Variants in ASIC2 observed in about 807,000 individuals in gnomAD.
ASIC2 encodes the protein acid-sensing ion channel 2.
In ASIC2, 25 loss-of-function variants were observed where a neutral mutation model predicts 57.3. The ratio of observed to expected loss-of-function variants is 0.44; its 90% CI spans 0.32 to 0.61. The LOEUF (loss-of-function observed/expected upper bound fraction) is 0.61, where lower values mean the gene tolerates loss of function less well. Among genes scored for constraint, ASIC2 ranks in the 20% least tolerant of loss-of-function variants. ASIC2 has a pLI of 0.06. For synonymous variants in ASIC2, 319 were observed against 307.5 expected (o/e 1.04, Z -0.39); for missense variants, 641 against 738.1 (o/e 0.87, Z 1.52).
At chr17:33,449,620 C>A (rs1403845665) in intron 1 of ASIC2, among the ~76,000 whole-genome samples, 6 of 152,058 alleles carry the variant, frequency 3.9e-5, no homozygotes, top group African/African-American at 1.4e-4. Flanking sequence ...AACTGAAAAC[C>A]ACCCTTTAGT....
In ASIC2 at chr17:33,025,930, G is replaced by T. The variant is rs754555423; in HGVS notation, c.1191C>A (p.Ala397=). 1 of 1,612,648 alleles carries T rather than the reference G, an allele frequency of 6.2e-7. No homozygotes were observed. Among genetic ancestry groups the T allele is most frequent in the Non-Finnish European group, 8.5e-7 (1 of 1,179,436 alleles). ...PEQHKECAEP[A]LGLLAEKDSN... ...ATCTGTCCCCTGAGTACTGACCTAG[G>T]GCAGGCTCTGCACACTCCTTGTGCT... Residue 397 remains alanine, a synonymous_variant, in exon 5 of 10, where the codon GCC becomes GCA. Transcript: ENST00000225823.
In ASIC2 at chr17:33,531,341, A is replaced by T. The variant is rs185633187; in HGVS notation, c.556-419274T>A. 3.6e-3 allele frequency among the ~76,000 whole-genome samples: 550 copies of T among 152,210 alleles called. 5 individuals carry two copies. Among genetic ancestry groups the T allele is most frequent in the African/African-American group, 0.012 (498 of 41,520 alleles). On this transcript the variant is annotated intron_variant, in intron 1 of 9. Transcript: ENST00000359872. ...GTGGGTGGGGGTTACACCAAATCTG[A>T]GCTGCCTTTATCTGTACCGACCTGA...
chr17:33,426,857 G>GA (rs1567857572), intron 1 of ASIC2, among the ~76,000 whole-genome samples: 1 of 152,130 alleles, frequency 6.6e-6, no homozygotes, highest in Non-Finnish European at 1.5e-5. Flanking sequence ...GATATGATGG[G>GA]AAAAAACAAG....
At chr17:33,583,783 A>G (rs913208120) in intron 1 of ASIC2, among the ~76,000 whole-genome samples, 1 of 152,216 alleles carries the variant, frequency 6.6e-6, no homozygotes, top group Non-Finnish European at 1.5e-5. Flanking sequence ...GTGAAGCCCC[A>G]GGTAAATGAT....
chr17:33,231,874 G>C (rs772612956), intron 1 of ASIC2, among the ~76,000 whole-genome samples: 1 of 152,100 alleles, frequency 6.6e-6, no homozygotes, highest in Non-Finnish European at 1.5e-5. Context: ...CAATGGGGAG[G>C]GGGTGAGCAG....
chr17:33,353,362 G>A (rs945026666), intron 1 of ASIC2, among the ~76,000 whole-genome samples: 3 of 151,942 alleles, frequency 2.0e-5, no homozygotes, highest in African/African-American at 7.3e-5. Flanking sequence ...TTTGAGACAG[G>A]GTCTTGCTCT....
At chr17:33,095,325 C>T (rs867639263) in intron 2 of ASIC2, among the ~76,000 whole-genome samples, 3 of 152,216 alleles carry the variant, frequency 2.0e-5, no homozygotes, top group South Asian at 2.1e-4. Flanking sequence ...CGACATTTTC[C>T]CTCCATTCGG....
rs771624171 is a variant in ASIC2, at chr17:33,898,220, CTTTTTTTTTTTTT to C, written c.555+257745_555+257757del. ...AAACTGCCCAGAGTTCATGTATAATCTTTTTTTTTTTTTTTTTTTTTTTTTTTTTTTTTGAGAC... is the reference window on the plus strand; with the variant it reads ...AAACTGCCCAGAGTTCATGTATAATCTTTTTTTTTTTTTTTTTTTTGAGAC... On this transcript the variant is annotated intron_variant, in intron 1 of 9. Coordinates refer to the ASIC2 transcript ENST00000359872. Among the ~76,000 whole-genome samples, 338 of 66,176 alleles carry C rather than the reference CTTTTTTTTTTTTT, an allele frequency of 5.1e-3. 3 individuals carry two copies. The highest frequency in any genetic ancestry group is 0.03 in the Middle Eastern group (3 of 100). The allele number at this position is 66,176 out of a possible 152,430, so 43.4% of individuals were successfully genotyped here. A position where few individuals can be genotyped will look rare whatever the true frequency, so the allele number is the denominator to read the frequency against.
intron 1 of ASIC2, among the ~76,000 whole-genome samples, chr17:33,269,781 T>TCCTTCCTTCCTTCCTTCC (rs1597659507): frequency 2.0e-5 from 3 of 150,764 alleles, no homozygotes; most frequent in South Asian, 2.1e-4. Flanking sequence ...CTTCTTTCCT[T>TCCTTCCTTCCTTCCTTCC]TTTCTAGTTT....
chr17:33,237,659 T>C (rs1452791730), intron 1 of ASIC2, among the ~76,000 whole-genome samples: 6 of 152,192 alleles, frequency 3.9e-5, no homozygotes, highest in Non-Finnish European at 8.8e-5. Flanking sequence ...CTGGGCAAGT[T>C]CTTTGCTTTG....
chr17:34,094,587 G>A (rs1910452243), intron 1 of ASIC2, among the ~76,000 whole-genome samples: 1 of 152,222 alleles, frequency 6.6e-6, no homozygotes, highest in South Asian at 2.1e-4. Flanking sequence ...AGGGTGTTCA[G>A]TTGGGTTCCA....
At chr17:33,740,558 T>G (rs1028765416) in intron 1 of ASIC2, among the ~76,000 whole-genome samples, 11 of 152,066 alleles carry the variant, frequency 7.2e-5, no homozygotes, top group African/African-American at 2.4e-4. Flanking sequence ...ACCATGACAC[T>G]TGGGGATTAT....
intron 1 of ASIC2, among the ~76,000 whole-genome samples, chr17:33,603,632 G>T (rs1025428590): frequency 6.6e-6 from 1 of 152,158 alleles, no homozygotes; most frequent in African/African-American, 2.4e-5. Flanking sequence ...CTGGGGTTGG[G>T]TCAGAAAAGG....
intron 3 of ASIC2, among the ~76,000 whole-genome samples, chr17:33,060,229 C>A (rs1446163108): frequency 6.6e-6 from 1 of 152,126 alleles, no homozygotes; most frequent in Admixed American, 6.6e-5. Context: ...GACATGACGT[C>A]CTTGCCCATG....
At chr17:33,423,750 T>G (rs1443832797) in intron 1 of ASIC2, among the ~76,000 whole-genome samples, 1 of 152,160 alleles carries the variant, frequency 6.6e-6, no homozygotes, top group Non-Finnish European at 1.5e-5. Flanking sequence ...ATGATCACAC[T>G]CTTGTTCATA....
chr17:33,417,606 CCA>C (rs1669941010), intron 1 of ASIC2, among the ~76,000 whole-genome samples: 1 of 152,150 alleles, frequency 6.6e-6, no homozygotes, highest in African/African-American at 2.4e-5. Flanking sequence ...ACAATGGTGT[CCA>C]GTGAGATATG....
In ASIC2 at chr17:34,156,277, A is replaced by G; in HGVS notation, c.256T>C (p.Phe86Leu). 1 of 1,614,216 alleles carries G rather than the reference A, an allele frequency of 6.2e-7. No homozygotes were observed. Among genetic ancestry groups the G allele is most frequent in the Non-Finnish European group, 8.5e-7 (1 of 1,180,038 alleles). ...AGGTTACAGAGGGTCACAGCTGGGAAGACCAGGCTTTGAGCCACCACTTCG... is the reference window on the plus strand; with the variant it reads ...AGGTTACAGAGGGTCACAGCTGGGAGGACCAGGCTTTGAGCCACCACTTCG... Residue 86 changes from phenylalanine to leucine, a missense_variant, in exon 1 of 10, where the codon TTC (phenylalanine) becomes CTC (leucine). Transcript: ENST00000359872. The surrounding 1 kb of genome is among the most constrained non-coding windows in gnomAD (Gnocchi z 4.4).
chr17:33,788,990 C>T (rs1911687883), intron 1 of ASIC2, among the ~76,000 whole-genome samples: 1 of 152,158 alleles, frequency 6.6e-6, no homozygotes, highest in Non-Finnish European at 1.5e-5. Flanking sequence ...ATGTAACAAA[C>T]TTGCACATTC....
rs1914461937 is a variant in ASIC2, at chr17:33,873,118, C to T, written c.555+282860G>A. ...CATCAGCCCACTCTGCCTCATCTTT[C>T]AGAGTGTACTATCTCTCTAAATAAA... On this transcript the variant is annotated intron_variant, in intron 1 of 9. Coordinates refer to the ASIC2 transcript ENST00000359872. Among the ~76,000 whole-genome samples, 2 of 152,222 alleles carry T rather than the reference C, an allele frequency of 1.3e-5. 1 individual carries two copies.
Sources: gnomAD v4.1 joint callset for allele counts (sites outside exome capture counted in the v4.1 genomes callset) on GRCh38, gnomAD v4.1.1 for gene constraint, Gnocchi (gnomAD v3.1) non-coding constraint, MANE v1.5 for transcripts, NCBI Gene and HGNC (gene_info 2026-07-23, HGNC 2026-07-21) for gene names.